The following GALNT17 variants were observed in gnomAD, a reference collection of about 807,000 sequenced individuals.
The protein encoded by GALNT17 is polypeptide N-acetylgalactosaminyltransferase 17, also known as UDP-GalNAc:polypeptide N-acetylgalactosaminyltransferase-like 3.
GALNT17 carries 29 observed loss-of-function variants against 63.7 expected under a neutral mutation model. The ratio of observed to expected loss-of-function variants is 0.46; its 90% CI spans 0.34 to 0.62. The LOEUF is 0.62. GALNT17 is among the 20% of genes least tolerant of loss of function. GALNT17 has a pLI of 0.01. For synonymous variants in GALNT17, 305 were observed against 318.3 expected (o/e 0.96, Z 0.45); for missense variants, 603 against 799.6 (o/e 0.75, Z 2.97).
chr7:71,677,453 T>G (rs1791170051), intron 9 of GALNT17, 147 bp downstream of exon 9: 1 of 686,318 alleles, frequency 1.5e-6, no homozygotes, highest in Admixed American at 3.1e-5. Context: ...GGTAGGAGTC[T>G]TTCTGGTTAT....
intron 1 of GALNT17, among the ~76,000 whole-genome samples, chr7:71,229,026 C>T (rs374979061): frequency 6.6e-5 from 10 of 152,162 alleles, no homozygotes; most frequent in Non-Finnish European, 1.0e-4. Context: ...TGACCCGTGA[C>T]GTGAAAGGCA....
chr7:71,172,194 A>G (rs1227395214), intron 1 of GALNT17, among the ~76,000 whole-genome samples: 1 of 152,132 alleles, frequency 6.6e-6, no homozygotes, highest in Admixed American at 6.6e-5. Flanking sequence ...GGCTGGGTGC[A>G]GTGGCTCACG....
At chr7:71,171,536 C>T (rs770647509) in intron 1 of GALNT17, among the ~76,000 whole-genome samples, 2 of 152,062 alleles carry the variant, frequency 1.3e-5, no homozygotes, top group Admixed American at 6.6e-5. Context: ...GAATATGAAA[C>T]GTAAAACAAA....
chr7:71,344,837 G>C (rs942533569), intron 2 of GALNT17, among the ~76,000 whole-genome samples: 4 of 152,174 alleles, frequency 2.6e-5, no homozygotes, highest in African/African-American at 9.7e-5. Context: ...ATCCTAGAGA[G>C]AATTAGTAAA....
At chr7:71,142,082 C>A (rs896803301) in intron 1 of GALNT17, among the ~76,000 whole-genome samples, 1 of 149,888 alleles carries the variant, frequency 6.7e-6, no homozygotes, top group Non-Finnish European at 1.5e-5. Flanking sequence ...GTTGGCCAGC[C>A]CTGTCTTGAA....
intron 1 of GALNT17, among the ~76,000 whole-genome samples, chr7:71,205,567 C>G (rs1406613765): frequency 6.6e-6 from 1 of 152,160 alleles, no homozygotes; most frequent in Admixed American, 6.5e-5. Flanking sequence ...GGAGTACAGG[C>G]ACGCTCCACC....
At position 71,610,957 on chromosome 7, in the gene GALNT17, G is replaced by C. The variant is rs562056265; in HGVS notation, c.1080+39555G>C. Among the ~76,000 whole-genome samples, 129 of 144,390 alleles carry C rather than the reference G, an allele frequency of 8.9e-4. 1 individual carries two copies. The highest frequency in any genetic ancestry group is 2.8e-3 in the Admixed American group (39 of 13,814). 94.7% of individuals were successfully genotyped at this position (144,390 alleles called of 152,430 possible). On this transcript the variant is annotated intron_variant, in intron 6 of 10. Transcript: ENST00000333538. ...GCCGAGATCACGCCACTGCACTCCA[G>C]CCTGAGCGGTGACAGAGCGAGACTC...
chr7:71,169,381 CTG>C (rs1331831242), intron 1 of GALNT17, among the ~76,000 whole-genome samples: 1 of 152,100 alleles, frequency 6.6e-6, no homozygotes, highest in African/African-American at 2.4e-5. Flanking sequence ...TTGGGGATAA[CTG>C]TGCTTTGTGG....
At chr7:71,266,921 T>C in intron 1 of GALNT17, among the ~76,000 whole-genome samples, 1 of 152,170 alleles carries the variant, frequency 6.6e-6, no homozygotes, top group East Asian at 1.9e-4. Context: ...CCAGGAGGCA[T>C]TGAGACTGAC....
intron 6 of GALNT17, among the ~76,000 whole-genome samples, chr7:71,619,381 G>A (rs1790260498): frequency 6.6e-6 from 1 of 152,148 alleles, no homozygotes; most frequent in South Asian, 2.1e-4. Context: ...ATTGCTTTTG[G>A]CCATATGGCC....
intron 1 of GALNT17, among the ~76,000 whole-genome samples, chr7:71,238,833 A>G (rs1345972413): frequency 1.3e-5 from 2 of 152,156 alleles, no homozygotes; most frequent in African/African-American, 4.8e-5. Context: ...AGCAGAGACC[A>G]TGTGTGCCAC....
chr7:71,475,930 G>A (rs941794057), intron 5 of GALNT17, among the ~76,000 whole-genome samples: 6 of 152,198 alleles, frequency 3.9e-5, no homozygotes, highest in Non-Finnish European at 7.4e-5. Context: ...TATATATAAA[G>A]TAATTCATAG....
intron 5 of GALNT17, among the ~76,000 whole-genome samples, chr7:71,471,076 T>A (rs2116613024): frequency 6.6e-6 from 1 of 152,152 alleles, no homozygotes; most frequent in South Asian, 2.1e-4. Context: ...CTCTTTTTTC[T>A]GTTTTTGTTT....
chr7:71,616,035 G>A lies in GALNT17; in HGVS notation c.1080+44633G>A, dbSNP rs1790196740. On this transcript the variant is annotated intron_variant, in intron 6 of 10. Transcript: ENST00000333538. ...ATCCCAGTTTTGAATGTGGTTCTTA[G>A]TTGGGCGAGACTGAGTGTCTGTAAG... 5.9e-5 allele frequency among the ~76,000 whole-genome samples: 9 copies of A among 151,808 alleles called. 1 individual carries two copies. The South Asian group carries it at 1.7e-3, about 28-fold the overall frequency.
chr7:71,317,911 A>G (rs1472812878), intron 1 of GALNT17, among the ~76,000 whole-genome samples: 1 of 151,504 alleles, frequency 6.6e-6, no homozygotes. Context: ...TTGAGTTTTT[A>G]TTATTCATAA....
chr7:71,514,739 CA>C (rs1371294781), intron 5 of GALNT17, among the ~76,000 whole-genome samples: 2 of 152,160 alleles, frequency 1.3e-5, no homozygotes, highest in African/African-American at 4.8e-5. Flanking sequence ...TCTTGGTTTG[CA>C]GTTGCCAAAA....
At chr7:71,178,883 T>G (rs1788686275) in intron 1 of GALNT17, among the ~76,000 whole-genome samples, 1 of 152,206 alleles carries the variant, frequency 6.6e-6, no homozygotes, top group African/African-American at 2.4e-5. Context: ...AAATGAATTT[T>G]TTCCTTGAGT....
intron 1 of GALNT17, among the ~76,000 whole-genome samples, chr7:71,194,979 A>G (rs1482102424): frequency 6.6e-6 from 1 of 152,220 alleles, no homozygotes; most frequent in African/African-American, 2.4e-5. Context: ...AAGTTGATGT[A>G]GAAATACGTC....
chr7:71,211,888 T>G (rs1229771783), intron 1 of GALNT17, among the ~76,000 whole-genome samples: 2 of 152,190 alleles, frequency 1.3e-5, no homozygotes, highest in African/African-American at 4.8e-5. Context: ...AAGACATGAC[T>G]TGGGTACTGT....
Sources: allele counts gnomAD v4.1 joint callset (sites outside exome capture counted in the v4.1 genomes callset), GRCh38; gene constraint gnomAD v4.1.1; transcripts MANE v1.5; gene names NCBI Gene and HGNC (gene_info 2026-07-23, HGNC 2026-07-21).